Variants in SNTG1 observed in about 807,000 individuals in gnomAD.
SNTG1 encodes the protein gamma-1-syntrophin.
In SNTG1, 39 loss-of-function variants were observed where a neutral mutation model predicts 74.7. That is an observed-to-expected ratio of 0.52 (90% confidence interval 0.40 to 0.68). SNTG1 has a LOEUF of 0.68. Ranked by LOEUF, SNTG1 falls within the 30% of genes least tolerant of loss-of-function variation. SNTG1 has a pLI of 0.00. For synonymous variants in SNTG1, 254 were observed against 217.1 expected (o/e 1.17, Z -1.49); for missense variants, 685 against 609.5 (o/e 1.12, Z -1.30).
chr8:50,691,686 T>A (rs998374860), intron 15 of SNTG1, among the ~76,000 whole-genome samples: 4 of 152,202 alleles, frequency 2.6e-5, no homozygotes, highest in Admixed American at 6.5e-5. Flanking sequence ...TTAACATTTT[T>A]TCCTTCATTT....
At chr8:50,278,604 T>G (rs1586936323) in intron 2 of SNTG1, among the ~76,000 whole-genome samples, 1 of 152,264 alleles carries the variant, frequency 6.6e-6, no homozygotes, top group Middle Eastern at 3.4e-3. Flanking sequence ...CCTTTTAGTA[T>G]TCTCTCAATC....
chr8:50,568,256 A>G (rs1434920119), intron 12 of SNTG1, among the ~76,000 whole-genome samples: 10 of 42,858 alleles, frequency 2.3e-4, no homozygotes, highest in African/African-American at 3.7e-4. Context: ...TGTGTGTGCT[A>G]TCTATTTATC....
At chr8:50,275,453 C>A (rs1339460959) in intron 2 of SNTG1, among the ~76,000 whole-genome samples, 5 of 152,048 alleles carry the variant, frequency 3.3e-5, no homozygotes, top group African/African-American at 4.8e-5. Flanking sequence ...TAGTTTATAT[C>A]TTTAAAAAAT....
At chr8:50,470,439 T>C (rs929751499) in intron 8 of SNTG1, among the ~76,000 whole-genome samples, 1 of 152,124 alleles carries the variant, frequency 6.6e-6, no homozygotes, top group Non-Finnish European at 1.5e-5. Flanking sequence ...CTTCAGATGT[T>C]CAGATGTGTC....
intron 1 of SNTG1, among the ~76,000 whole-genome samples, chr8:49,914,383 T>C (rs1260065084): frequency 6.6e-6 from 1 of 151,858 alleles, no homozygotes; most frequent in Non-Finnish European, 1.5e-5. Context: ...AAAAGTTTTA[T>C]TGGATAAGAC....
chr8:50,656,895 C>A lies in SNTG1; in HGVS notation c.850-14C>A. On this transcript the variant is annotated splice_polypyrimidine_tract_variant and intron_variant, in intron 13 of 18. Transcript: ENST00000642720. Reference sequence around the variant, plus strand: ...AGAAGTTTTGACAGTTGATTGTATTCCATTTTCTTGCAGATTGTCTACATG... The same window carrying A: ...AGAAGTTTTGACAGTTGATTGTATTACATTTTCTTGCAGATTGTCTACATG... 6.4e-7 allele frequency: 1 copy of A among 1,563,818 alleles called. No homozygotes were observed. The highest frequency in any genetic ancestry group is 8.8e-7 in the Non-Finnish European group (1 of 1,140,032).
Position 50,256,127 on chromosome 8 carries a change from C to T in SNTG1, c.-28+83492C>T, listed in dbSNP as rs146621300. Among the ~76,000 whole-genome samples the T allele has an allele frequency of 8.9e-4, 135 of 152,122 alleles. 1 individual carries two copies. The highest frequency in any genetic ancestry group is 3.4e-3 in the Middle Eastern group (1 of 290). The stretch of plus-strand genomic sequence containing the variant: ...GTATGTCATTAGGATTTCTCTTCAC[C>T]GACATAGCAGTTAAGTATGTTCCAT... On this transcript the variant is annotated intron_variant, in intron 2 of 18. Transcript: ENST00000642720.
chr8:50,022,933 A>G (rs1816951226), intron 1 of SNTG1, among the ~76,000 whole-genome samples: 1 of 152,226 alleles, frequency 6.6e-6, no homozygotes, highest in African/African-American at 2.4e-5. Context: ...AATAGGAGTT[A>G]AATAGACAAT....
chr8:50,660,482 G>A (rs948002605), intron 15 of SNTG1, among the ~76,000 whole-genome samples: 3 of 149,310 alleles, frequency 2.0e-5, no homozygotes, highest in African/African-American at 4.9e-5. Context: ...TGCACAGAGG[G>A]GAGAAAGGAA....
At position 50,504,502 on chromosome 8, in the gene SNTG1, C is replaced by T. The variant is rs547994279; in HGVS notation, c.466+1622C>T. On this transcript the variant is annotated intron_variant, in intron 9 of 18. Transcript: ENST00000642720. The stretch of plus-strand genomic sequence containing the variant: ...TATAATTAACTTGTTAATAAATTGC[C>T]GAATTTAGGTGGGGTGCAGTGGCCC... 1.5e-4 allele frequency among the ~76,000 whole-genome samples: 23 copies of T among 152,128 alleles called. No homozygotes were observed. The East Asian group carries it at 2.7e-3, about 18-fold the overall frequency.
At chr8:50,559,225 C>T (rs1400234647) in intron 12 of SNTG1, among the ~76,000 whole-genome samples, 1 of 152,070 alleles carries the variant, frequency 6.6e-6, no homozygotes, top group Admixed American at 6.5e-5. Flanking sequence ...GGAATAATTT[C>T]TTGTAGTGTT....
intron 2 of SNTG1, among the ~76,000 whole-genome samples, chr8:50,238,797 A>C (rs1188132119): frequency 2.0e-5 from 3 of 152,170 alleles, no homozygotes; most frequent in Admixed American, 2.0e-4. Context: ...AATTTGCAAG[A>C]AGAAAACAAA....
At chr8:50,359,553 G>A (rs1250332465) in intron 2 of SNTG1, among the ~76,000 whole-genome samples, 1 of 152,162 alleles carries the variant, frequency 6.6e-6, no homozygotes, top group Non-Finnish European at 1.5e-5. Context: ...TTTGCTTTGA[G>A]CAAGTTTTGT....
chr8:50,553,763 C>T (rs1585665201), intron 12 of SNTG1, among the ~76,000 whole-genome samples: 2 of 152,082 alleles, frequency 1.3e-5, no homozygotes, highest in South Asian at 2.1e-4. Flanking sequence ...TCTTTAATAA[C>T]CTAAATAATT....
intron 8 of SNTG1, among the ~76,000 whole-genome samples, chr8:50,496,314 G>T (rs1404206982): frequency 1.3e-5 from 2 of 152,152 alleles, no homozygotes; most frequent in African/African-American, 2.4e-5. Flanking sequence ...AGTTAACTAT[G>T]ATCCTCACAA....
At chr8:50,375,675 C>A (rs779550148) in intron 2 of SNTG1, among the ~76,000 whole-genome samples, 2 of 152,208 alleles carry the variant, frequency 1.3e-5, no homozygotes, top group Admixed American at 1.3e-4. Flanking sequence ...TCTGATAATA[C>A]GATGAACATT....
intron 1 of SNTG1, among the ~76,000 whole-genome samples, chr8:50,081,122 GT>G (rs1381153401): frequency 2.0e-5 from 3 of 152,060 alleles, no homozygotes; most frequent in Non-Finnish European, 4.4e-5. Context: ...TTTACCATTT[GT>G]GACACTTTTA....
intron 10 of SNTG1, among the ~76,000 whole-genome samples, chr8:50,535,783 T>G (rs903728956): frequency 6.6e-6 from 1 of 152,190 alleles, no homozygotes; most frequent in Non-Finnish European, 1.5e-5. Context: ...TTCACAGAGT[T>G]TCAATATCTA....
At chr8:50,214,079 TA>T in intron 2 of SNTG1, among the ~76,000 whole-genome samples, 1 of 151,962 alleles carries the variant, frequency 6.6e-6, no homozygotes, top group East Asian at 1.9e-4. Context: ...TTTGCAGCCA[TA>T]AAAAATGATG....
Sources: gnomAD v4.1 joint callset for allele counts (sites outside exome capture counted in the v4.1 genomes callset) on GRCh38, gnomAD v4.1.1 for gene constraint, MANE v1.5 for transcripts, NCBI Gene and HGNC (gene_info 2026-07-23, HGNC 2026-07-21) for gene names.